Variants in CRIM1 observed in about 807,000 individuals in gnomAD.
The protein encoded by CRIM1 is cysteine-rich motor neuron 1 protein.
A neutral mutation model predicts 116.4 loss-of-function variants in CRIM1; 32 were observed. The ratio of observed to expected loss-of-function variants is 0.27; its 90% CI spans 0.21 to 0.37. The LOEUF (loss-of-function observed/expected upper bound fraction) is 0.37. CRIM1 is among the 10% of genes least tolerant of loss of function. The pLI, the probability that CRIM1 is intolerant of heterozygous loss-of-function variation, is 1.00. For missense variants in CRIM1, 1,331 were observed against 1,354.8 expected, an observed-to-expected ratio of 0.98 and a Z score of 0.28; for synonymous variants, 590 against 509.2, an observed-to-expected ratio of 1.16 and a Z score of -2.13.
At chr2:36,531,202 A>T (rs188535781) in intron 13 of CRIM1, among the ~76,000 whole-genome samples, 1 of 152,336 alleles carries the variant, frequency 6.6e-6, no homozygotes, top group African/African-American at 2.4e-5. Context: ...ACTTCCTCCC[A>T]GGAGGTTACT....
At position 36,458,015 on chromosome 2, in the gene CRIM1, G is replaced by A. The variant is rs116343217; in HGVS notation, c.870-6519G>A. Among the ~76,000 whole-genome samples the A allele has an allele frequency of 2.6e-3, 393 of 152,272 alleles. 6 individuals are homozygous for A. Among genetic ancestry groups the A allele is most frequent in the African/African-American group, 9.1e-3 (377 of 41,546 alleles). ...AGGGCGACCTCCCACCCACCTGTAA[G>A]TAGTTTTTAATTTATAGGCGGTCAT... is the stretch of plus-strand genomic sequence containing the variant. On this transcript the variant is annotated intron_variant, in intron 4 of 16. Transcript: ENST00000280527.
intron 1 of CRIM1, among the ~76,000 whole-genome samples, chr2:36,387,833 T>C (rs1432085360): frequency 6.6e-6 from 1 of 152,236 alleles, no homozygotes; most frequent in Non-Finnish European, 1.5e-5. Flanking sequence ...AAGAACCAGT[T>C]TTTTAATTTT....
chr2:36,378,328 C>T (rs533711928), intron 1 of CRIM1: 2 of 471,212 alleles, frequency 4.2e-6, no homozygotes, highest in South Asian at 1.5e-5. Flanking sequence ...TCCTCCTAGG[C>T]AGGCGCCACC....
At chr2:36,520,140 A>T (rs1463650493) in intron 12 of CRIM1, among the ~76,000 whole-genome samples, 1 of 151,876 alleles carries the variant, frequency 6.6e-6, no homozygotes, top group African/African-American at 2.4e-5. Context: ...AAACCTGCAG[A>T]CTCTACCTCG....
intron 2 of CRIM1, among the ~76,000 whole-genome samples, chr2:36,426,474 C>T (rs1156954687): frequency 6.6e-6 from 1 of 152,144 alleles, no homozygotes; most frequent in Non-Finnish European, 1.5e-5. Flanking sequence ...TAAAGAATAT[C>T]TGGCTATAGG....
At chr2:36,376,039 G>A (rs1558512456) in intron 1 of CRIM1, among the ~76,000 whole-genome samples, 1 of 152,108 alleles carries the variant, frequency 6.6e-6, no homozygotes. Context: ...GAGGTGTAAG[G>A]CAAGCTGACA....
chr2:36,370,889 A>G (rs941686128), intron 1 of CRIM1, among the ~76,000 whole-genome samples: 10 of 152,190 alleles, frequency 6.6e-5, no homozygotes, highest in African/African-American at 2.2e-4. Flanking sequence ...AGCAGTCTGC[A>G]TGTTATTACT....
chr2:36,501,934 C>T (rs1256138140), intron 8 of CRIM1, among the ~76,000 whole-genome samples: 1 of 152,136 alleles, frequency 6.6e-6, no homozygotes, highest in Non-Finnish European at 1.5e-5. Context: ...CTCAAATGGC[C>T]AACCTTGTTT....
At chr2:36,530,362 T>C (rs1266223581) in intron 13 of CRIM1, among the ~76,000 whole-genome samples, 1 of 152,206 alleles carries the variant, frequency 6.6e-6, no homozygotes, top group Non-Finnish European at 1.5e-5. Flanking sequence ...ACAATTTCCA[T>C]GTGTTTAAGT....
At chr2:36,408,223 T>A (rs1005278650) in intron 2 of CRIM1, among the ~76,000 whole-genome samples, 1 of 152,242 alleles carries the variant, frequency 6.6e-6, no homozygotes, top group Non-Finnish European at 1.5e-5. Context: ...TGCCTAAAAC[T>A]TCACCAACCC....
chr2:36,409,825 T>C (rs979611962), intron 2 of CRIM1, among the ~76,000 whole-genome samples: 5 of 152,246 alleles, frequency 3.3e-5, no homozygotes, highest in Non-Finnish European at 7.3e-5. Context: ...TGAGTTTTTT[T>C]AAAGAAGCAT....
chr2:36,504,133 T>C (rs1172552246), intron 8 of CRIM1, among the ~76,000 whole-genome samples: 1 of 152,116 alleles, frequency 6.6e-6, no homozygotes, highest in Non-Finnish European at 1.5e-5. Context: ...CTCGATCTCC[T>C]AAAGTGCTGA....
intron 7 of CRIM1, among the ~76,000 whole-genome samples, chr2:36,487,408 C>T (rs1436901401): frequency 6.6e-6 from 1 of 152,148 alleles, no homozygotes; most frequent in Non-Finnish European, 1.5e-5. Context: ...GGGATACAGT[C>T]ATTCAGAATA....
At chr2:36,471,246 T>G (rs1678490406) in intron 5 of CRIM1, among the ~76,000 whole-genome samples, 1 of 152,168 alleles carries the variant, frequency 6.6e-6, no homozygotes, top group South Asian at 2.1e-4. Context: ...TTACATAAAT[T>G]TAGTTGATAA....
chr2:36,406,161 A>G (rs1421908013), intron 2 of CRIM1, among the ~76,000 whole-genome samples: 1 of 152,242 alleles, frequency 6.6e-6, no homozygotes, highest in East Asian at 1.9e-4. Context: ...ATTAAATTAT[A>G]TGTTCTCCAA....
In CRIM1 at chr2:36,374,127, G is replaced by A. The variant is rs543055832; in HGVS notation, c.331+17504G>A. Reference sequence around the variant, plus strand: ...AAAGGTAGACTCAAAAAGGATTGATGCAGATATTCCTTAGAAGTTTTCATG... The same window carrying A: ...AAAGGTAGACTCAAAAAGGATTGATACAGATATTCCTTAGAAGTTTTCATG... On this transcript the variant is annotated intron_variant, in intron 1 of 16. Transcript: ENST00000280527. 9.8e-5 allele frequency among the ~76,000 whole-genome samples: 15 copies of A among 152,310 alleles called. No individual in the cohort carries two copies. In the South Asian group the frequency reaches 3.1e-3, roughly 32 times the overall value.
chr2:36,548,204 C>T (rs1667485148), intron 16 of CRIM1, among the ~76,000 whole-genome samples: 1 of 151,102 alleles, frequency 6.6e-6, no homozygotes, highest in South Asian at 2.1e-4. Flanking sequence ...ACCTTCCACT[C>T]ATTCTTCAGC....
Position 36,476,856 on chromosome 2 carries a change from C to T in CRIM1, c.992-33C>T, listed in dbSNP as rs771966190. 117 of 1,560,530 alleles carry T rather than the reference C, an allele frequency of 7.5e-5. No homozygotes were observed. The Admixed American group carries it at 2.1e-3, about 28-fold the overall frequency. On this transcript the variant is annotated intron_variant, in intron 5 of 16. Coordinates refer to ENST00000280527, the MANE Select transcript of CRIM1 (RefSeq NM_016441.3). ...AAAGGACACAACTAAAAAATGACTA[C>T]AAATATGCCTTGTTTGTTTTAACTC...
intron 13 of CRIM1, among the ~76,000 whole-genome samples, chr2:36,522,559 T>C (rs1665467950): frequency 6.6e-6 from 1 of 152,050 alleles, no homozygotes; most frequent in African/African-American, 2.4e-5. Flanking sequence ...CCCAGCACTT[T>C]GGGAGGCCGA....
Sources: allele counts gnomAD v4.1 joint callset (sites outside exome capture counted in the v4.1 genomes callset), GRCh38; gene constraint gnomAD v4.1.1; transcripts MANE v1.5; gene names NCBI Gene and HGNC (gene_info 2026-07-23, HGNC 2026-07-21).